The following LPIN1 variants were observed in gnomAD, a reference collection of about 807,000 sequenced individuals.
The protein encoded by LPIN1 is lipin 1.
In LPIN1, 71 loss-of-function variants were observed where a neutral mutation model predicts 107.5. The ratio of observed to expected loss-of-function variants is 0.66; its 90% confidence interval spans 0.55 to 0.80. LPIN1 has a LOEUF of 0.80. Among genes scored for constraint, LPIN1 ranks in the 30% least tolerant of loss-of-function variants. The pLI, the probability that LPIN1 is intolerant of heterozygous loss-of-function variation, is 0.00. For missense variants in LPIN1, 1,043 were observed against 1,160.6 expected (o/e 0.90, Z 1.47); for synonymous variants, 445 against 452.6 (o/e 0.98, Z 0.21).
chr2:11,783,516 C>A (rs972985733), intron 8 of LPIN1, among the ~76,000 whole-genome samples: 1 of 152,118 alleles, frequency 6.6e-6, no homozygotes, highest in Non-Finnish European at 1.5e-5. Context: ...TGGCCTCCAG[C>A]GAGGGGCCTC....
At chr2:11,737,023 A>AT (rs1440796346) in intron 1 of LPIN1, among the ~76,000 whole-genome samples, 2 of 152,246 alleles carry the variant, frequency 1.3e-5, no homozygotes, top group African/African-American at 4.8e-5. Context: ...CATCACTTTT[A>AT]TAGGGAAGTG....
At chr2:11,677,924 C>T (rs957046153) in intron 1 of LPIN1, among the ~76,000 whole-genome samples, 4 of 152,268 alleles carry the variant, frequency 2.6e-5, no homozygotes, top group Non-Finnish European at 5.9e-5. Context: ...ATTCAGAAGG[C>T]TGCATTTATA....
At chr2:11,706,291 G>C (rs1663126536) in intron 1 of LPIN1, among the ~76,000 whole-genome samples, 1 of 152,216 alleles carries the variant, frequency 6.6e-6, no homozygotes, top group African/African-American at 2.4e-5. Flanking sequence ...GTACAGGGAG[G>C]TGTGGGCAAG....
chr2:11,794,948 G>A (rs1309185921), intron 13 of LPIN1, among the ~76,000 whole-genome samples: 1 of 152,140 alleles, frequency 6.6e-6, no homozygotes, highest in Non-Finnish European at 1.5e-5. Context: ...ACCAACAGAG[G>A]ATTTTCTATT....
At chr2:11,701,650 T>G (rs904796198) in intron 1 of LPIN1, among the ~76,000 whole-genome samples, 2 of 152,232 alleles carry the variant, frequency 1.3e-5, no homozygotes, top group African/African-American at 4.8e-5. Context: ...CATTCTCACT[T>G]AATCCTCACG....
intron 1 of LPIN1, among the ~76,000 whole-genome samples, chr2:11,760,787 C>A (rs2148606295): frequency 6.6e-6 from 1 of 152,242 alleles, no homozygotes; most frequent in South Asian, 2.1e-4. Flanking sequence ...TAAAAAAATA[C>A]CAACAGTAGT....
intron 1 of LPIN1, among the ~76,000 whole-genome samples, chr2:11,735,393 G>A (rs1306702359): frequency 6.6e-6 from 1 of 151,986 alleles, no homozygotes; most frequent in African/African-American, 2.4e-5. Context: ...GTTTTGTTAA[G>A]TATTATATTA....
chr2:11,710,496 AG>A (rs1663352561), intron 1 of LPIN1, among the ~76,000 whole-genome samples: 1 of 151,960 alleles, frequency 6.6e-6, no homozygotes, highest in African/African-American at 2.4e-5. Flanking sequence ...GGTTCAAGCA[AG>A]GTAGAAGCAA....
chr2:11,689,075 T>A (rs1662147760), intron 1 of LPIN1, among the ~76,000 whole-genome samples: 1 of 152,236 alleles, frequency 6.6e-6, no homozygotes, highest in African/African-American at 2.4e-5. Flanking sequence ...AATTTATGGA[T>A]AATTCGAAGT....
intron 1 of LPIN1, among the ~76,000 whole-genome samples, chr2:11,762,732 T>C (rs557377549): frequency 2.0e-5 from 3 of 152,224 alleles, no homozygotes; most frequent in Non-Finnish European, 4.4e-5. Context: ...GATCTGGGGA[T>C]GAAGACCAAA....
chr2:11,756,617 G>A (rs1668731689), intron 1 of LPIN1, among the ~76,000 whole-genome samples: 1 of 152,140 alleles, frequency 6.6e-6, no homozygotes, highest in Admixed American at 6.5e-5. Context: ...GGCTGGTCTC[G>A]AATTCCTGAC....
chr2:11,769,285 A>G (rs1671477999), intron 3 of LPIN1, among the ~76,000 whole-genome samples: 1 of 152,180 alleles, frequency 6.6e-6, no homozygotes, highest in South Asian at 2.1e-4. Flanking sequence ...GTATCTCTTT[A>G]TGGTTATGAT....
At chr2:11,769,568 G>T (rs776225061) in intron 3 of LPIN1, among the ~76,000 whole-genome samples, 3 of 151,826 alleles carry the variant, frequency 2.0e-5, no homozygotes, top group Non-Finnish European at 4.4e-5. Flanking sequence ...CAGCACAATA[G>T]TTTTTAGTTT....
chr2:11,748,803 G>A (rs1389726737), intron 1 of LPIN1, among the ~76,000 whole-genome samples: 1 of 152,216 alleles, frequency 6.6e-6, no homozygotes, highest in Non-Finnish European at 1.5e-5. Flanking sequence ...AGGGGTACAG[G>A]CAGCTTTTTC....
At chr2:11,678,694 T>C (rs919673006) in intron 1 of LPIN1, among the ~76,000 whole-genome samples, 5 of 152,196 alleles carry the variant, frequency 3.3e-5, no homozygotes, top group African/African-American at 1.2e-4. Flanking sequence ...GAGGTCCTTC[T>C]GGGGCTGGTG....
At chr2:11,678,467 C>T (rs781478770) in intron 1 of LPIN1, among the ~76,000 whole-genome samples, 5 of 152,126 alleles carry the variant, frequency 3.3e-5, no homozygotes, top group Admixed American at 2.0e-4. Context: ...CCAAATGGTG[C>T]GTCGGGGACA....
chr2:11,767,657 G>C, intron 2 of LPIN1, 106 bp from the exon 3 acceptor site: 2 of 764,454 alleles, frequency 2.6e-6, no homozygotes, highest in Non-Finnish European at 2.4e-6. Flanking sequence ...TGGCACTTCA[G>C]GGTGTATGCG....
intron 12 of LPIN1, among the ~76,000 whole-genome samples, chr2:11,788,691 A>AT (rs1675111780): frequency 6.6e-6 from 1 of 152,166 alleles, no homozygotes; most frequent in Non-Finnish European, 1.5e-5. Context: ...CGGACCGAAG[A>AT]TTCCTTTCTC....
chr2:11,791,381 A>C (rs1675692079), intron 12 of LPIN1, among the ~76,000 whole-genome samples: 2 of 152,224 alleles, frequency 1.3e-5, no homozygotes, highest in Admixed American at 1.3e-4. Flanking sequence ...CATTTACCTA[A>C]AAGTATGAAT....
Sources: gnomAD v4.1 joint callset for allele counts (sites outside exome capture counted in the v4.1 genomes callset) on GRCh38, gnomAD v4.1.1 for gene constraint, MANE v1.5 for transcripts, NCBI Gene and HGNC (gene_info 2026-07-23, HGNC 2026-07-21) for gene names.